Variants in NT5DC3 observed in about 807,000 individuals in gnomAD.
The protein encoded by NT5DC3 is 5'-nucleotidase domain-containing protein 3.
A neutral mutation model predicts 67.8 loss-of-function variants in NT5DC3; 42 were observed. The ratio of observed to expected loss-of-function variants is 0.62; its 90% CI spans 0.48 to 0.80. NT5DC3 has a LOEUF of 0.80. NT5DC3 is among the 30% of genes least tolerant of loss of function. The probability of loss-of-function intolerance (pLI) is 0.00; values close to 1 mark genes in which losing one functional copy is unlikely to be tolerated. For missense variants in NT5DC3, 570 were observed against 696.4 expected (o/e 0.82, Z 2.04); for synonymous variants, 237 against 255.6 (o/e 0.93, Z 0.69).
downstream of NT5DC3, chr12:103,765,993 C>T (rs778807754): frequency 6.7e-5 from 36 of 538,882 alleles, no homozygotes; most frequent in African/African-American, 6.4e-4. Flanking sequence ...TTTAATCCTC[C>T]TACCTCCCTG....
rs546349359 is a variant in NT5DC3, at chr12:103,779,044, C to T, written c.1395-963G>A. Among the ~76,000 whole-genome samples, 7 of 152,250 alleles carry T rather than the reference C, an allele frequency of 4.6e-5. No homozygotes were observed. In the East Asian group the frequency reaches 5.8e-4, roughly 13 times the overall value. Reference sequence around the variant, plus strand: ...TCCCTTACCGAAAGGATCAAGACCCCGTTTTACAAGGTTATTGTGAGAACT... The same window carrying T: ...TCCCTTACCGAAAGGATCAAGACCCTGTTTTACAAGGTTATTGTGAGAACT... On this transcript the variant is annotated intron_variant, in intron 13 of 13. Transcript: ENST00000392876.
chr12:103,780,264 T>C, intron 13 of NT5DC3, 36 bp downstream of exon 13: 1 of 1,568,200 alleles, frequency 6.4e-7, no homozygotes, highest in Non-Finnish European at 8.8e-7. Context: ...CAGAACAGGG[T>C]GGTGGACGCG....
At chr12:103,746,681 A>C in the NT5DC3 span, 3 of 1,613,972 alleles carry the variant, frequency 1.9e-6, no homozygotes, top group Non-Finnish European at 2.5e-6. Flanking sequence ...CTGGATTATG[A>C]AGGTGACGGA....
downstream of NT5DC3, among the ~76,000 whole-genome samples, chr12:103,771,742 C>T (rs749861929): frequency 2.6e-5 from 4 of 152,198 alleles, no homozygotes; most frequent in East Asian, 1.9e-4. Flanking sequence ...TCCACATCGT[C>T]GGGATTTCTG....
chr12:103,799,355 A>T lies in NT5DC3; in HGVS notation c.525-678T>A, dbSNP rs182852997. 2.8e-3 allele frequency among the ~76,000 whole-genome samples: 430 copies of T among 152,280 alleles called. 2 individuals are homozygous for T. The highest frequency in any genetic ancestry group is 0.01 in the African/African-American group (416 of 41,542). ...ATTGTGGGAGGGACCTGGTGGGAGA[A>T]CACTGAATCACCGGAGCTGTTTCCC... On this transcript the variant is annotated intron_variant, in intron 4 of 13. Transcript: ENST00000392876.
chr12:103,835,130 C>T (rs927143680), intron 1 of NT5DC3, among the ~76,000 whole-genome samples: 1 of 152,164 alleles, frequency 6.6e-6, no homozygotes, highest in African/African-American at 2.4e-5. Context: ...GTAACTCAGC[C>T]GCTGTTGAAC....
intron 1 of NT5DC3, among the ~76,000 whole-genome samples, chr12:103,840,419 T>TCATTCCATCCCATTCCATCC (rs1380087888): frequency 7.9e-6 from 1 of 125,802 alleles, no homozygotes; most frequent in Non-Finnish European, 1.7e-5. Flanking sequence ...TCATCTCATC[T>TCATTCCATCCCATTCCATCC]CATTCCATCC....
At chr12:103,832,523 A>AT (rs1418716471) in intron 1 of NT5DC3, among the ~76,000 whole-genome samples, 1 of 151,494 alleles carries the variant, frequency 6.6e-6, no homozygotes, top group Non-Finnish European at 1.5e-5. Context: ...TCCTTTTTGT[A>AT]TTTTTTCTCC....
At chr12:103,763,577 C>T in the NT5DC3 span, 1 of 1,614,084 alleles carries the variant, frequency 6.2e-7, no homozygotes, top group Non-Finnish European at 8.5e-7. Context: ...ACAACCTCAG[C>T]TCCCCCAGAA....
chr12:103,790,995 A>G (rs1886032130), intron 9 of NT5DC3, among the ~76,000 whole-genome samples: 1 of 152,162 alleles, frequency 6.6e-6, no homozygotes, highest in Non-Finnish European at 1.5e-5. Flanking sequence ...GGCCAAGTAC[A>G]TCATTTTTAA....
chr12:103,747,995 CAAAAAA>C, the NT5DC3 span, among the ~76,000 whole-genome samples: 23 of 96,762 alleles, frequency 2.4e-4, no homozygotes, highest in African/African-American at 8.4e-4. Context: ...ACTCTGTCTC[CAAAAAA>C]AAAAAAAAAA....
At chr12:103,757,944 A>G in the NT5DC3 span, 3 of 582,348 alleles carry the variant, frequency 5.2e-6, no homozygotes, top group East Asian at 9.0e-5. Context: ...CACGTGGAGG[A>G]TGGGCTGTGA....
At chr12:103,760,373 G>C in the NT5DC3 span, among the ~76,000 whole-genome samples, 1 of 152,154 alleles carries the variant, frequency 6.6e-6, no homozygotes, top group East Asian at 1.9e-4. Flanking sequence ...CGATCCTCCT[G>C]CCTCAGCCTC....
chr12:103,806,803 T>C, intron 3 of NT5DC3, 52 bp downstream of exon 3: 1 of 1,180,490 alleles, frequency 8.5e-7, no homozygotes, highest in Non-Finnish European at 1.3e-6. Flanking sequence ...CAACAGTACA[T>C]TTCATTTCCA....
At chr12:103,758,172 A>G in the NT5DC3 span, 7 of 1,613,914 alleles carry the variant, frequency 4.3e-6, no homozygotes, top group Admixed American at 1.2e-4. Flanking sequence ...CTCCCCAGGA[A>G]GTGCTGGCCT....
rs1026501801 is a variant in NT5DC3, at chr12:103,776,677, A to AG, written c.*1151_*1152insC. On this transcript the variant is annotated 3_prime_UTR_variant, in exon 14 of 14. Coordinates refer to ENST00000392876, the MANE Select transcript of NT5DC3 (RefSeq NM_001031701.3). ...TCTAAAAAAAAACAAAACAAAACAA[A>AG]AAAAAAAAAAACAAACTACACAAAC... 3 of 146,596 alleles carry AG rather than the reference A, an allele frequency of 2.0e-5. No individual in the cohort carries two copies. The highest frequency in any genetic ancestry group is 4.4e-5 in the Non-Finnish European group (3 of 67,706). The allele number at this position is 146,596 out of a possible 1,614,324, so 9.1% of individuals were successfully genotyped here. A position where few individuals can be genotyped will look rare whatever the true frequency, so the allele number is the denominator to read the frequency against.
intron 4 of NT5DC3, among the ~76,000 whole-genome samples, chr12:103,803,324 C>T (rs1294979484): frequency 6.6e-6 from 1 of 152,140 alleles, no homozygotes; most frequent in African/African-American, 2.4e-5. Flanking sequence ...ATGGTACAAT[C>T]TGGAGGTAAA....
the NT5DC3 span, chr12:103,749,155 C>A: frequency 6.3e-7 from 1 of 1,593,034 alleles, no homozygotes; most frequent in Non-Finnish European, 8.6e-7. Flanking sequence ...ATGACAGGCC[C>A]GGTGAGTCGC....
At chr12:103,798,737 C>A in intron 4 of NT5DC3, 60 bp from the exon 5 acceptor site, 1 of 1,236,766 alleles carries the variant, frequency 8.1e-7, no homozygotes. Context: ...GATTTTCACA[C>A]CCCTGTGCAG....
Sources: allele counts gnomAD v4.1 joint callset (sites outside exome capture counted in the v4.1 genomes callset), GRCh38; gene constraint gnomAD v4.1.1; transcripts MANE v1.5; gene names NCBI Gene and HGNC (gene_info 2026-07-23, HGNC 2026-07-21).